Variants in ZNF423 observed in about 807,000 individuals in gnomAD.
ZNF423 encodes the protein Ebf-associated zinc finger protein.
Under a neutral mutation model 95.8 loss-of-function variants are expected in ZNF423, and 12 were observed. The observed-to-expected ratio is 0.13, with a 90% CI of 0.08 to 0.20. The LOEUF (loss-of-function observed/expected upper bound fraction) is 0.20, where lower values mean the gene tolerates loss of function less well. Ranked by LOEUF, ZNF423 falls within the 10% of genes least tolerant of loss-of-function variation. The probability of loss-of-function intolerance (pLI) is 1.00; values close to 1 mark genes in which losing one functional copy is unlikely to be tolerated. For missense variants in ZNF423, 1,316 were observed against 1,737.1 expected (o/e 0.76, Z 4.31); for synonymous variants, 749 against 711.9 (o/e 1.05, Z -0.83).
intron 2 of ZNF423, among the ~76,000 whole-genome samples, chr16:49,780,345 A>G (rs1268084272): frequency 6.6e-6 from 1 of 152,168 alleles, no homozygotes; most frequent in African/African-American, 2.4e-5. Flanking sequence ...TCCTCAGAGA[A>G]CTGGTCCAAG....
intron 5 of ZNF423, among the ~76,000 whole-genome samples, chr16:49,569,584 C>T (rs1308155687): frequency 1.3e-5 from 2 of 152,174 alleles, no homozygotes; most frequent in African/African-American, 4.8e-5. Flanking sequence ...TAACAGCAGG[C>T]TTGTTGCAAC....
Position 49,682,767 on chromosome 16 carries a change from T to A in ZNF423, c.302-43893A>T, listed in dbSNP as rs76701776. Among the ~76,000 whole-genome samples the A allele has an allele frequency of 4.3e-3, 651 of 152,328 alleles. 7 individuals are homozygous for A. Among genetic ancestry groups the A allele is most frequent in the African/African-American group, 0.015 (614 of 41,574 alleles). ...TTCCCTAGCCTCTCTGAGCCTCAGT[T>A]TCCTCATCTGTAAAATGGGAACGAT... On this transcript the variant is annotated intron_variant, in intron 3 of 7. Transcript: ENST00000563137.
intron 5 of ZNF423, among the ~76,000 whole-genome samples, chr16:49,606,711 T>C (rs1971548257): frequency 1.3e-5 from 2 of 152,238 alleles, no homozygotes; most frequent in African/African-American, 2.4e-5. Context: ...CACAGGTGCC[T>C]TGGTGAACAG....
intron 1 of ZNF423, among the ~76,000 whole-genome samples, chr16:49,818,502 G>A (rs1338248431): frequency 6.6e-6 from 1 of 152,198 alleles, no homozygotes; most frequent in African/African-American, 2.4e-5. Flanking sequence ...TGGAGCCCAG[G>A]AGTTCAAGTC....
At chr16:49,714,605 C>T (rs1387188203) in intron 3 of ZNF423, among the ~76,000 whole-genome samples, 1 of 147,546 alleles carries the variant, frequency 6.8e-6, no homozygotes, top group African/African-American at 2.5e-5. Flanking sequence ...AAGATCTCGC[C>T]ACTGCACTCC....
intron 7 of ZNF423, chr16:49,517,866 T>C (rs1597036534): frequency 2.3e-6 from 1 of 433,642 alleles, no homozygotes; most frequent in East Asian, 7.0e-5. Flanking sequence ...ATCTCTTCAT[T>C]TTATTCCATT....
intron 5 of ZNF423, among the ~76,000 whole-genome samples, chr16:49,545,283 G>A (rs1418788524): frequency 6.6e-6 from 1 of 152,186 alleles, no homozygotes; most frequent in Non-Finnish European, 1.5e-5. Flanking sequence ...AGTGACAGAG[G>A]AAGTGAATCT....
chr16:49,631,196 G>A (rs776863076), intron 4 of ZNF423, among the ~76,000 whole-genome samples: 7 of 151,976 alleles, frequency 4.6e-5, no homozygotes, highest in South Asian at 2.1e-4. Context: ...TCCCAAATAC[G>A]CCCACAGACA....
rs1359277814 is a variant in ZNF423, at chr16:49,854,910, G to GAGGGTGCCGGTGCCCGGGGTCAGATCC, written c.40+798_40+824dup. The GAGGGTGCCGGTGCCCGGGGTCAGATCC allele has an allele frequency of 2.7e-5, 27 of 985,158 alleles. 1 individual carries two copies. In the Admixed American group the frequency reaches 3.7e-4, roughly 13 times the overall value. 61.0% of individuals were successfully genotyped at this position (985,158 alleles called of 1,614,324 possible). A position where few individuals can be genotyped will look rare whatever the true frequency, so the allele number is the denominator to read the frequency against. On this transcript the variant is annotated intron_variant, in intron 1 of 7. Coordinates refer to ENST00000563137, the MANE Select transcript of ZNF423 (RefSeq NM_001379286.1). Reference sequence around the variant, plus strand: ...AGCACAGAAAGCCGGCCTGGGTGTCGAGGGTGCCGGTGCCCGGGGTCAGAT... The same window carrying GAGGGTGCCGGTGCCCGGGGTCAGATCC: ...AGCACAGAAAGCCGGCCTGGGTGTCGAGGGTGCCGGTGCCCGGGGTCAGATCCAGGGTGCCGGTGCCCGGGGTCAGAT...
chr16:49,604,723 C>T (rs1971479983), intron 5 of ZNF423, among the ~76,000 whole-genome samples: 1 of 152,164 alleles, frequency 6.6e-6, no homozygotes, highest in African/African-American at 2.4e-5. Context: ...TGAGATCCTT[C>T]TCCCATCCTC....
chr16:49,813,462 T>C (rs1216395578), intron 1 of ZNF423, among the ~76,000 whole-genome samples: 5 of 152,058 alleles, frequency 3.3e-5, no homozygotes, highest in Non-Finnish European at 5.9e-5. Flanking sequence ...CTAACCTCAA[T>C]GTGCCACCAG....
intron 3 of ZNF423, among the ~76,000 whole-genome samples, chr16:49,674,675 G>C (rs2030970095): frequency 1.3e-5 from 2 of 152,214 alleles, no homozygotes; most frequent in African/African-American, 4.8e-5. Context: ...CAAAGCCCGA[G>C]AGGCAGCCAC....
chr16:49,538,374 T>C (rs906812971), intron 5 of ZNF423, among the ~76,000 whole-genome samples: 1 of 152,184 alleles, frequency 6.6e-6, no homozygotes, highest in African/African-American at 2.4e-5. Context: ...AAAAGACATC[T>C]TCATAGACAC....
intron 2 of ZNF423, among the ~76,000 whole-genome samples, chr16:49,750,524 C>A (rs1378958041): frequency 6.6e-6 from 1 of 152,136 alleles, no homozygotes; most frequent in Admixed American, 6.5e-5. Context: ...GCCAGAGCCC[C>A]CAGGGTCAGC....
intron 2 of ZNF423, among the ~76,000 whole-genome samples, chr16:49,753,417 C>T (rs949150889): frequency 7.0e-6 from 1 of 142,640 alleles, no homozygotes; most frequent in African/African-American, 2.6e-5. Flanking sequence ...GCCTGGGCAA[C>T]ATAGCAAGAC....
At chr16:49,528,246 C>A (rs1416833489) in intron 5 of ZNF423, among the ~76,000 whole-genome samples, 4 of 152,124 alleles carry the variant, frequency 2.6e-5, no homozygotes, top group Admixed American at 2.0e-4. Flanking sequence ...TCATGTCTGA[C>A]AGTCACTTTC....
At chr16:49,687,729 C>A (rs1327874925) in intron 3 of ZNF423, among the ~76,000 whole-genome samples, 1 of 152,156 alleles carries the variant, frequency 6.6e-6, no homozygotes, top group Admixed American at 6.5e-5. Context: ...TTGAAGGCCA[C>A]CAGGTTCCGT....
At chr16:49,653,946 C>T (rs953781217) in intron 3 of ZNF423, among the ~76,000 whole-genome samples, 2 of 152,226 alleles carry the variant, frequency 1.3e-5, no homozygotes, top group Non-Finnish European at 1.5e-5. Context: ...GTAGCCTCTG[C>T]AGAGCCCTTT....
At chr16:49,661,608 C>T (rs1403561371) in intron 3 of ZNF423, among the ~76,000 whole-genome samples, 4 of 152,206 alleles carry the variant, frequency 2.6e-5, no homozygotes, top group African/African-American at 4.8e-5. Flanking sequence ...GAGCACTTCC[C>T]GCTCATCTTG....
Sources: gnomAD v4.1 joint callset for allele counts (sites outside exome capture counted in the v4.1 genomes callset) on GRCh38, gnomAD v4.1.1 for gene constraint, MANE v1.5 for transcripts, NCBI Gene and HGNC (gene_info 2026-07-23, HGNC 2026-07-21) for gene names.